The following CACNA2D3 variants were observed in gnomAD, a reference collection of about 807,000 sequenced individuals.
The protein encoded by CACNA2D3 is voltage-dependent calcium channel subunit alpha-2/delta-3.
In CACNA2D3, 60 loss-of-function variants were observed where a neutral mutation model predicts 160.6. The ratio of observed to expected loss-of-function variants is 0.37; its 90% CI spans 0.30 to 0.46. The LOEUF (loss-of-function observed/expected upper bound fraction) is 0.46, where lower values mean the gene tolerates loss of function less well. Among genes scored for constraint, CACNA2D3 ranks in the 20% least tolerant of loss-of-function variants. The pLI is 1.00. For synonymous variants in CACNA2D3, 558 were observed against 492.9 expected (o/e 1.13, Z -1.75); for missense variants, 1,205 against 1,365.0 (o/e 0.88, Z 1.85).
chr3:54,522,929 TTTATTTACTTACTTACTTAC>T (rs1175454248), intron 5 of CACNA2D3, among the ~76,000 whole-genome samples: 1 of 104,904 alleles, frequency 9.5e-6, no homozygotes, highest in African/African-American at 4.0e-5. Flanking sequence ...TATTTATTTA[TTTATTTACTTACTTACTTAC>T]TTACTTACTT....
intron 13 of CACNA2D3, among the ~76,000 whole-genome samples, chr3:54,769,655 A>G (rs1702283309): frequency 6.6e-6 from 1 of 152,150 alleles, no homozygotes; most frequent in Admixed American, 6.5e-5. Context: ...AATACTATTT[A>G]TTGTCATTTC....
At chr3:54,541,216 G>A (rs149140936) in intron 5 of CACNA2D3, among the ~76,000 whole-genome samples, 11,487 of 141,076 alleles carry the variant, frequency 0.081, 563 homozygotes, top group Middle Eastern at 0.13. Flanking sequence ...GGCAGAGCTT[G>A]CAGTGAGCTG....
intron 3 of CACNA2D3, among the ~76,000 whole-genome samples, chr3:54,339,264 C>G (rs28555632): frequency 1.3e-5 from 2 of 151,976 alleles, no homozygotes; most frequent in African/African-American, 4.8e-5. Context: ...TGAGTGGAAT[C>G]TTCTTCACCA....
At chr3:54,243,088 T>G (rs1231248798) in intron 2 of CACNA2D3, among the ~76,000 whole-genome samples, 1 of 152,230 alleles carries the variant, frequency 6.6e-6, no homozygotes, top group Non-Finnish European at 1.5e-5. Context: ...TTTCAGATCA[T>G]AAACCATGTG....
intron 18 of CACNA2D3, among the ~76,000 whole-genome samples, chr3:54,877,925 C>A (rs1416906238): frequency 2.0e-5 from 3 of 152,156 alleles, no homozygotes; most frequent in African/African-American, 7.2e-5. Flanking sequence ...GACCAGCTCT[C>A]CCTGTCCAAA....
At position 54,336,818 on chromosome 3, in the gene CACNA2D3, A is replaced by G. The variant is rs188877284; in HGVS notation, c.321+16260A>G. 3.0e-3 allele frequency among the ~76,000 whole-genome samples: 457 copies of G among 152,306 alleles called. 3 individuals carry two copies. Among genetic ancestry groups the G allele is most frequent in the African/African-American group, 9.9e-3 (410 of 41,580 alleles). On this transcript the variant is annotated intron_variant, in intron 3 of 37. Coordinates refer to ENST00000474759, the MANE Select transcript of CACNA2D3 (RefSeq NM_018398.3). ...AGCGAAACAATGCATAAGAAATAGC[A>G]TAAGATTTATAGTACAGTAGCATCT...
intron 2 of CACNA2D3, among the ~76,000 whole-genome samples, chr3:54,237,748 A>T (rs1042207257): frequency 2.6e-5 from 4 of 151,844 alleles, no homozygotes; most frequent in Non-Finnish European, 5.9e-5. Flanking sequence ...AAGCATGCTG[A>T]CTCTGGCTCA....
chr3:54,494,328 CAA>C (rs1701169028), intron 4 of CACNA2D3, among the ~76,000 whole-genome samples: 1 of 152,134 alleles, frequency 6.6e-6, no homozygotes, highest in African/African-American at 2.4e-5. Context: ...ACAGAAGAGA[CAA>C]ATGGGTTTGG....
intron 2 of CACNA2D3, among the ~76,000 whole-genome samples, chr3:54,254,929 A>T (rs184551937): frequency 1.2e-3 from 184 of 152,336 alleles, no homozygotes; most frequent in African/African-American, 4.1e-3. Flanking sequence ...CTCCAGCCCC[A>T]GCTCAAAGGT....
At chr3:54,236,470 T>A (rs1443233588) in intron 2 of CACNA2D3, among the ~76,000 whole-genome samples, 1 of 152,122 alleles carries the variant, frequency 6.6e-6, no homozygotes, top group African/African-American at 2.4e-5. Context: ...GATAAAGAAG[T>A]TTATTGAAAA....
At chr3:54,705,142 A>G (rs1575431927) in intron 11 of CACNA2D3, among the ~76,000 whole-genome samples, 1 of 152,198 alleles carries the variant, frequency 6.6e-6, no homozygotes, top group South Asian at 2.1e-4. Flanking sequence ...AATATTTCAA[A>G]TGTACTGAAT....
chr3:54,376,289 T>C (rs1006645827), intron 3 of CACNA2D3, among the ~76,000 whole-genome samples: 1 of 152,232 alleles, frequency 6.6e-6, no homozygotes, highest in African/African-American at 2.4e-5. Context: ...CCGTCACCTC[T>C]CTCAGTCACC....
At chr3:54,471,623 T>TA (rs1700732886) in intron 4 of CACNA2D3, among the ~76,000 whole-genome samples, 2 of 151,980 alleles carry the variant, frequency 1.3e-5, no homozygotes, top group Admixed American at 1.3e-4. Flanking sequence ...GCTGTTTTTT[T>TA]AAAAGATTAA....
intron 11 of CACNA2D3, among the ~76,000 whole-genome samples, chr3:54,648,598 T>TC: frequency 6.6e-6 from 1 of 152,258 alleles, no homozygotes; most frequent in African/African-American, 2.4e-5. Context: ...ACTGCTTTTT[T>TC]CTACTTGAAT....
chr3:54,495,577 C>T (rs1311081240), intron 4 of CACNA2D3, among the ~76,000 whole-genome samples: 1 of 152,034 alleles, frequency 6.6e-6, no homozygotes. Context: ...GGTGAAACCC[C>T]ATCTCTACTA....
chr3:54,981,710 A>AT (rs1202634264), intron 29 of CACNA2D3, among the ~76,000 whole-genome samples: 1 of 152,188 alleles, frequency 6.6e-6, no homozygotes, highest in Non-Finnish European at 1.5e-5. Flanking sequence ...AAGGAAAATG[A>AT]TTTTCCATTC....
At chr3:54,767,545 G>GT (rs765945314) in intron 13 of CACNA2D3, among the ~76,000 whole-genome samples, 3 of 152,076 alleles carry the variant, frequency 2.0e-5, no homozygotes, top group Admixed American at 6.5e-5. Context: ...CCTATAAGCA[G>GT]TGGCACCCAA....
chr3:54,707,036 C>G (rs966515538), intron 11 of CACNA2D3, among the ~76,000 whole-genome samples: 1 of 152,184 alleles, frequency 6.6e-6, no homozygotes, highest in Admixed American at 6.5e-5. Flanking sequence ...ACAAAGGCCT[C>G]CTTTACAAAA....
At chr3:54,721,775 A>AG (rs1553804162) in intron 11 of CACNA2D3, among the ~76,000 whole-genome samples, 2 of 151,626 alleles carry the variant, frequency 1.3e-5, no homozygotes, top group African/African-American at 2.4e-5. Flanking sequence ...AAAAAAAAAA[A>AG]AAAAGAAAAG....
Sources: gnomAD v4.1 joint callset for allele counts (sites outside exome capture counted in the v4.1 genomes callset) on GRCh38, gnomAD v4.1.1 for gene constraint, MANE v1.5 for transcripts, NCBI Gene and HGNC (gene_info 2026-07-23, HGNC 2026-07-21) for gene names.